GTF2IRD1: variants seen among roughly 807,000 people sequenced by gnomAD.
GTF2IRD1 encodes the protein general transcription factor II-I repeat domain-containing protein 1.
In GTF2IRD1, 26 loss-of-function variants were observed where a neutral mutation model predicts 113.2. The ratio of observed to expected loss-of-function variants is 0.23; its 90% CI spans 0.17 to 0.32. GTF2IRD1 has a LOEUF of 0.32. Among genes scored for constraint, GTF2IRD1 ranks in the 10% least tolerant of loss-of-function variants. GTF2IRD1 has a pLI of 1.00. For missense variants in GTF2IRD1, 864 were observed against 1,280.8 expected (o/e 0.67, Z 4.97); for synonymous variants, 484 against 529.1 (o/e 0.91, Z 1.17).
chr7:74,569,708 G>T (rs1227338895), intron 22 of GTF2IRD1, among the ~76,000 whole-genome samples: 2 of 152,216 alleles, frequency 1.3e-5, no homozygotes, highest in African/African-American at 4.8e-5. Context: ...GAGAAGGTCT[G>T]AACCCAGGCA....
At position 74,515,497 on chromosome 7, in the gene GTF2IRD1, G is replaced by A. The variant is rs782471998; in HGVS notation, c.322G>A (p.Glu108Lys). Reference protein sequence around the residue: ...AEHPKKVQRGEGGGRSLPRSS... With the variant: ...AEHPKKVQRGKGGGRSLPRSS... Reference sequence around the variant, plus strand: ...GCACCCCAAGAAGGTGCAGCGGGGCGAGGGTGGAGGCCGTAGCCTCCCTCG... The same window carrying A: ...GCACCCCAAGAAGGTGCAGCGGGGCAAGGGTGGAGGCCGTAGCCTCCCTCG... Residue 108 changes from glutamate to lysine, a missense_variant, in exon 4 of 27, where the codon GAG (glutamate) becomes AAG (lysine). This residue lies in a region of GTF2IRD1 where 182 missense variants were observed against 266.6 expected (regional missense o/e 0.68). Transcript: ENST00000424337. 24 of 1,612,668 alleles carry A rather than the reference G, an allele frequency of 1.5e-5. 1 individual carries two copies. Among genetic ancestry groups the A allele is most frequent in the South Asian group, 7.7e-5 (7 of 90,766 alleles).
chr7:74,520,882 TATTATA>T (rs1399960035), intron 6 of GTF2IRD1, among the ~76,000 whole-genome samples: 1 of 137,274 alleles, frequency 7.3e-6, no homozygotes, highest in Non-Finnish European at 1.6e-5. Context: ...TTATTATTAT[TATTATA>T]AGGGGGAAAA....
At chr7:74,573,328 G>C (rs1369400229) in intron 22 of GTF2IRD1, among the ~76,000 whole-genome samples, 1 of 151,972 alleles carries the variant, frequency 6.6e-6, no homozygotes, top group Non-Finnish European at 1.5e-5. Flanking sequence ...CTTGAGCCCA[G>C]GAGGTTGAGG....
chr7:74,529,554 C>T (rs1444238990), intron 8 of GTF2IRD1, among the ~76,000 whole-genome samples, 180 bp from the exon 9 acceptor site: 2 of 152,186 alleles, frequency 1.3e-5, no homozygotes, highest in African/African-American at 4.8e-5. Context: ...CCGCACCCAG[C>T]CCAGCCAATT....
chr7:74,555,347 C>A lies in GTF2IRD1; in HGVS notation c.1967-91C>A. The A allele has an allele frequency of 6.8e-7, 1 of 1,468,088 alleles. No individual in the cohort carries two copies. The highest frequency in any genetic ancestry group is 9.5e-7 in the Non-Finnish European group (1 of 1,048,050). 90.9% of individuals were successfully genotyped at this position (1,468,088 alleles called of 1,614,324 possible). On this transcript the variant is annotated intron_variant, in intron 18 of 26. Coordinates refer to ENST00000424337, the MANE Select transcript of GTF2IRD1 (RefSeq NM_005685.4). The surrounding 1 kb of genome is among the most constrained non-coding windows in gnomAD (Gnocchi z 5.3). ...CATCCTGGCCCTGGCATTCTCCCCA[C>A]ACCCCCACATTGGGTTTCCCCTAAC...
intron 26 of GTF2IRD1, 167 bp from the exon 27 acceptor site, chr7:74,602,198 C>A: frequency 1.5e-6 from 1 of 678,798 alleles, no homozygotes. Flanking sequence ...GCCGAGATTG[C>A]ATCACTGCAC....
intron 22 of GTF2IRD1, among the ~76,000 whole-genome samples, chr7:74,577,788 G>T (rs1433961342): frequency 9.9e-5 from 15 of 152,008 alleles, no homozygotes; most frequent in African/African-American, 3.6e-4. Flanking sequence ...GAGTGGCTAG[G>T]ACTACAAGCA....
intron 1 of GTF2IRD1, among the ~76,000 whole-genome samples, chr7:74,483,360 A>C (rs782395449): frequency 5.9e-5 from 9 of 151,838 alleles, no homozygotes; most frequent in Non-Finnish European, 1.3e-4. Context: ...CAACATAGCA[A>C]GGCCCCATCT....
At chr7:74,553,769 C>G (rs1446324026) in intron 17 of GTF2IRD1, among the ~76,000 whole-genome samples, 1 of 152,166 alleles carries the variant, frequency 6.6e-6, no homozygotes. Flanking sequence ...CTACTCTGGC[C>G]TGGGACTCAG....
intron 3 of GTF2IRD1, among the ~76,000 whole-genome samples, chr7:74,514,928 G>C (rs1211173420): frequency 6.6e-6 from 1 of 151,678 alleles, no homozygotes; most frequent in Admixed American, 6.6e-5. Flanking sequence ...AAGGTGGCAG[G>C]CGCCTATAAT....
chr7:74,510,057 G>A (rs1554342479), intron 2 of GTF2IRD1, among the ~76,000 whole-genome samples: 1 of 152,132 alleles, frequency 6.6e-6, no homozygotes. Context: ...TGTTCCTGCT[G>A]TAGGTGGCTC....
chr7:74,471,681 A>C (rs1423834157), intron 1 of GTF2IRD1, among the ~76,000 whole-genome samples: 129 of 71,402 alleles, frequency 1.8e-3, no homozygotes, highest in Middle Eastern at 6.3e-3. Flanking sequence ...TTAAAAAAAA[A>C]AAAAAAAACA....
intron 1 of GTF2IRD1, among the ~76,000 whole-genome samples, chr7:74,496,200 T>C (rs1795662388): frequency 6.6e-6 from 1 of 151,750 alleles, no homozygotes. Context: ...TATGCGTGCG[T>C]ATGTGTATGG....
At chr7:74,466,404 T>C (rs1554330812) in intron 1 of GTF2IRD1, among the ~76,000 whole-genome samples, 1 of 152,068 alleles carries the variant, frequency 6.6e-6, no homozygotes, top group Non-Finnish European at 1.5e-5. Flanking sequence ...TCTGATGGCC[T>C]CACTCCCAGG....
intron 22 of GTF2IRD1, among the ~76,000 whole-genome samples, chr7:74,574,249 G>C (rs1433627514): frequency 6.9e-6 from 1 of 144,492 alleles, no homozygotes; most frequent in African/African-American, 2.6e-5. Context: ...TGATCCACCT[G>C]CCTCGACCTC....
intron 22 of GTF2IRD1, among the ~76,000 whole-genome samples, chr7:74,565,048 C>T (rs1800210056): frequency 2.3e-5 from 2 of 87,874 alleles, no homozygotes; most frequent in Admixed American, 1.4e-4. Flanking sequence ...GGTGGGGGGC[C>T]TCGGGTTGCA....
intron 17 of GTF2IRD1, 25 bp downstream of exon 17, chr7:74,547,311 A>G (rs782222797): frequency 1.9e-6 from 3 of 1,567,924 alleles, no homozygotes; most frequent in East Asian, 4.6e-5. Flanking sequence ...GGTCCATGGG[A>G]GACAGCACCG....
At chr7:74,477,865 C>T (rs1794514792) in intron 1 of GTF2IRD1, among the ~76,000 whole-genome samples, 1 of 152,136 alleles carries the variant, frequency 6.6e-6, no homozygotes, top group African/African-American at 2.4e-5. Context: ...CAAGAAAAGG[C>T]CTGATGTTCC....
chr7:74,536,486 A>G (rs587775100), intron 11 of GTF2IRD1, among the ~76,000 whole-genome samples: 14 of 152,274 alleles, frequency 9.2e-5, no homozygotes, highest in Admixed American at 9.2e-4. Context: ...ACATCTAGCC[A>G]GATGTCACCT....
Sources: gnomAD v4.1 joint callset for allele counts (sites outside exome capture counted in the v4.1 genomes callset) on GRCh38, gnomAD v4.1.1 for gene constraint, gnomAD v4.1.1 regional missense constraint, Gnocchi (gnomAD v3.1) non-coding constraint, MANE v1.5 for transcripts, NCBI Gene and HGNC (gene_info 2026-07-23, HGNC 2026-07-21) for gene names.